Variants in MSH3 observed in about 807,000 individuals in gnomAD.
The protein encoded by MSH3 is DNA mismatch repair protein Msh3.
In MSH3, 106 loss-of-function variants were observed where a neutral mutation model predicts 123.3. The observed-to-expected ratio is 0.86, with a 90% CI of 0.73 to 1.01. The LOEUF is 1.01. MSH3 is among the 50% of genes least tolerant of loss of function. MSH3 has a pLI of 0.00. For missense variants in MSH3, 1,459 were observed against 1,347.6 expected, an observed-to-expected ratio of 1.08 and a Z score of -1.29; for synonymous variants, 515 against 481.4, an observed-to-expected ratio of 1.07 and a Z score of -0.91.
At chr5:80,794,856 C>T (rs1274499850) in intron 19 of MSH3, among the ~76,000 whole-genome samples, 1 of 152,128 alleles carries the variant, frequency 6.6e-6, no homozygotes, top group East Asian at 1.9e-4. Context: ...AGTGGTAAAG[C>T]CCTAAAGAAG....
At chr5:80,684,673 C>T (rs1310283225) in intron 8 of MSH3, among the ~76,000 whole-genome samples, 1 of 152,050 alleles carries the variant, frequency 6.6e-6, no homozygotes. Flanking sequence ...ATTTCTTTGT[C>T]TTGTCTGATT....
chr5:80,686,971 A>C (rs1750106417), intron 8 of MSH3, among the ~76,000 whole-genome samples: 1 of 152,206 alleles, frequency 6.6e-6, no homozygotes, highest in Admixed American at 6.5e-5. Flanking sequence ...AGAGGTCTCC[A>C]AAGGATTTGA....
At chr5:80,703,804 GTT>G (rs553533708) in intron 8 of MSH3, among the ~76,000 whole-genome samples, 1 of 149,094 alleles carries the variant, frequency 6.7e-6, no homozygotes, top group South Asian at 2.1e-4. Context: ...CATATAAAGA[GTT>G]TTTTTTTTAA....
chr5:80,707,772 G>A (rs946115636), intron 8 of MSH3, among the ~76,000 whole-genome samples: 1 of 152,160 alleles, frequency 6.6e-6, no homozygotes, highest in African/African-American at 2.4e-5. Context: ...AGTAGGTTTT[G>A]GAGTAGTAGT....
intron 22 of MSH3, among the ~76,000 whole-genome samples, chr5:80,869,530 C>T (rs918736520): frequency 1.3e-5 from 2 of 151,916 alleles, no homozygotes; most frequent in African/African-American, 4.8e-5. Context: ...TACATAATTA[C>T]AGAAAGAGAT....
intron 21 of MSH3, among the ~76,000 whole-genome samples, chr5:80,863,618 C>A (rs1343871305): frequency 1.3e-5 from 2 of 151,170 alleles, no homozygotes; most frequent in Non-Finnish European, 2.9e-5. Context: ...TTGCAGTGAG[C>A]CAAGATCGTG....
intron 20 of MSH3, among the ~76,000 whole-genome samples, chr5:80,837,946 G>C (rs1467594987): frequency 6.6e-6 from 1 of 152,268 alleles, no homozygotes; most frequent in Middle Eastern, 3.4e-3. Flanking sequence ...TCAGCTTCTT[G>C]CCAGCTGTAG....
chr5:80,790,393 A>AC (rs1744587668), intron 18 of MSH3, among the ~76,000 whole-genome samples: 1 of 152,064 alleles, frequency 6.6e-6, no homozygotes, highest in Non-Finnish European at 1.5e-5. Flanking sequence ...AGTAAAACTT[A>AC]CTCTGTCTTA....
rs546480362 is a variant in MSH3, at chr5:80,663,105, G to A, written c.359-2038G>A. Among the ~76,000 whole-genome samples, 28 of 152,266 alleles carry A rather than the reference G, an allele frequency of 1.8e-4. No individual in the cohort carries two copies. The South Asian group carries it at 3.7e-3, about 20-fold the overall frequency. Reference sequence around the variant, plus strand: ...AAAAAAAAATTAGTTGGCCATGGTGGCACTTGCCTGTAGTTCCAGCTACTC... The same window carrying A: ...AAAAAAAAATTAGTTGGCCATGGTGACACTTGCCTGTAGTTCCAGCTACTC... On this transcript the variant is annotated intron_variant, in intron 2 of 23. Coordinates refer to ENST00000265081, the MANE Select transcript of MSH3 (RefSeq NM_002439.5).
intron 8 of MSH3, among the ~76,000 whole-genome samples, chr5:80,711,398 T>G (rs1183249345): frequency 6.6e-6 from 1 of 152,192 alleles, no homozygotes; most frequent in African/African-American, 2.4e-5. Context: ...GCTAAGGCCC[T>G]TTCGCCTCTG....
At chr5:80,704,738 A>G (rs1355341576) in intron 8 of MSH3, among the ~76,000 whole-genome samples, 1 of 152,232 alleles carries the variant, frequency 6.6e-6, no homozygotes, top group Admixed American at 6.5e-5. Flanking sequence ...CAAGTTATGT[A>G]AAAACATTGA....
chr5:80,808,869 A>ATATATATCTATATATATATCTATATATC (rs1744951516), intron 19 of MSH3, among the ~76,000 whole-genome samples: 1 of 126,516 alleles, frequency 7.9e-6, no homozygotes, highest in Non-Finnish European at 1.6e-5. Flanking sequence ...ATATATATAT[A>ATATATATCTATATATATATCTATATATC]TATATATATA....
chr5:80,786,105 C>T (rs941157829), intron 17 of MSH3, among the ~76,000 whole-genome samples: 1 of 151,820 alleles, frequency 6.6e-6, no homozygotes, highest in Non-Finnish European at 1.5e-5. Flanking sequence ...AACTAACCTG[C>T]ACATTGTGCA....
At chr5:80,839,793 G>A (rs1218501208) in intron 20 of MSH3, among the ~76,000 whole-genome samples, 2 of 152,196 alleles carry the variant, frequency 1.3e-5, no homozygotes, top group South Asian at 2.1e-4. Context: ...AATTACAGAA[G>A]CAGTGGCTGT....
chr5:80,679,725 A>G (rs2112819681), intron 8 of MSH3, among the ~76,000 whole-genome samples: 1 of 152,350 alleles, frequency 6.6e-6, no homozygotes, highest in Non-Finnish European at 1.5e-5. Flanking sequence ...GGCAGAGTTT[A>G]CAACCTCACA....
chr5:80,713,139 G>T (rs1750890530), intron 8 of MSH3, among the ~76,000 whole-genome samples: 1 of 152,126 alleles, frequency 6.6e-6, no homozygotes, highest in Non-Finnish European at 1.5e-5. Context: ...TCATGCAATT[G>T]GTAAGCTGAC....
chr5:80,814,184 T>C (rs1194110599), intron 20 of MSH3, among the ~76,000 whole-genome samples: 2 of 151,926 alleles, frequency 1.3e-5, no homozygotes, highest in East Asian at 3.8e-4. Flanking sequence ...ATTTTTATTA[T>C]GACTGTTAAT....
chr5:80,862,645 A>G (rs1312026547), intron 21 of MSH3, among the ~76,000 whole-genome samples: 1 of 152,136 alleles, frequency 6.6e-6, no homozygotes, highest in Non-Finnish European at 1.5e-5. Context: ...CTGTAGTCCT[A>G]GCTACTTGGG....
intron 13 of MSH3, among the ~76,000 whole-genome samples, chr5:80,767,414 A>G (rs1260077478): frequency 6.6e-6 from 1 of 152,166 alleles, no homozygotes; most frequent in Non-Finnish European, 1.5e-5. Flanking sequence ...CGTTCCGATA[A>G]GTGAAAAATG....
Sources: allele counts gnomAD v4.1 joint callset (sites outside exome capture counted in the v4.1 genomes callset), GRCh38; gene constraint gnomAD v4.1.1; transcripts MANE v1.5; gene names NCBI Gene and HGNC (gene_info 2026-07-23, HGNC 2026-07-21).